VPS35L: variants seen among roughly 807,000 people sequenced by gnomAD.
The protein encoded by VPS35L is VPS35 endosomal protein sorting factor like, also known as VPS35 endosomal protein-sorting factor-like.
VPS35L carries 83 observed loss-of-function variants against 133.0 expected under a neutral mutation model. The ratio of observed to expected loss-of-function variants is 0.62; its 90% confidence interval spans 0.52 to 0.75. The LOEUF is 0.75. Among genes scored for constraint, VPS35L ranks in the 30% least tolerant of loss-of-function variants. The probability of loss-of-function intolerance (pLI) is 0.00; values close to 1 mark genes in which losing one functional copy is unlikely to be tolerated. For synonymous variants in VPS35L, 423 were observed against 449.9 expected (o/e 0.94, Z 0.76); for missense variants, 1,083 against 1,206.8 (o/e 0.90, Z 1.52).
chr16:19,673,540 G>T (rs1338677341), intron 27 of VPS35L, among the ~76,000 whole-genome samples: 2 of 151,614 alleles, frequency 1.3e-5, no homozygotes, highest in Non-Finnish European at 2.9e-5. Context: ...TCCTTGAACA[G>T]ATTTGAGTTA....
In VPS35L at chr16:19,597,921, A is replaced by G. The variant is rs1208617640; in HGVS notation, c.725-3743A>G. ...ATGACAGTATAGGGACAGGTGTTTC[A>G]TGGTTGTTGACATCATTGACAAGAG... On this transcript the variant is annotated intron_variant, in intron 8 of 30. Coordinates refer to ENST00000417362, the MANE Select transcript of VPS35L (RefSeq NM_020314.7). Among the ~76,000 whole-genome samples, 4 of 152,200 alleles carry G rather than the reference A, an allele frequency of 2.6e-5. No homozygotes were observed. In the South Asian group the frequency reaches 8.3e-4, roughly 31 times the overall value.
chr16:19,563,194 G>C (rs961865690), intron 1 of VPS35L, among the ~76,000 whole-genome samples: 1 of 151,982 alleles, frequency 6.6e-6, no homozygotes, highest in African/African-American at 2.4e-5. Flanking sequence ...AGAAGGCTGG[G>C]AGTGGTGGCT....
chr16:19,659,103 G>A (rs952318523), intron 26 of VPS35L, among the ~76,000 whole-genome samples: 1 of 152,062 alleles, frequency 6.6e-6, no homozygotes, highest in East Asian at 1.9e-4. Flanking sequence ...CAATTATTAC[G>A]GATTGAGCAT....
intron 1 of VPS35L, among the ~76,000 whole-genome samples, chr16:19,556,337 A>G (rs1222015723): frequency 1.3e-5 from 2 of 150,778 alleles, no homozygotes; most frequent in Non-Finnish European, 2.9e-5. Flanking sequence ...TATCCCCACC[A>G]GGGGGCTAGG....
chr16:19,667,242 G>A (rs114418362), intron 26 of VPS35L, among the ~76,000 whole-genome samples: 9,601 of 151,988 alleles, frequency 0.063, 869 homozygotes, highest in African/African-American at 0.2. Context: ...GATTACAGGC[G>A]TGAGCTACCG....
intron 19 of VPS35L, among the ~76,000 whole-genome samples, chr16:19,635,769 T>C (rs995945757): frequency 6.6e-6 from 1 of 152,232 alleles, no homozygotes; most frequent in African/African-American, 2.4e-5. Flanking sequence ...ATGTTTTGCA[T>C]AGAGACAACC....
chr16:19,665,969 AT>A (rs57671215), intron 26 of VPS35L, among the ~76,000 whole-genome samples: 50,489 of 149,086 alleles, frequency 0.34, 8,605 homozygotes, highest in African/African-American at 0.34. Flanking sequence ...TGCCATTTGT[AT>A]TTTTTTTTTT....
At chr16:19,562,196 G>C (rs1177753233) in intron 1 of VPS35L, among the ~76,000 whole-genome samples, 1 of 152,162 alleles carries the variant, frequency 6.6e-6, no homozygotes, top group Admixed American at 6.6e-5. Flanking sequence ...TGCAATAGGG[G>C]ACAGAGATTG....
chr16:19,571,680 G>T (rs1326239518), intron 3 of VPS35L, among the ~76,000 whole-genome samples: 1 of 152,050 alleles, frequency 6.6e-6, no homozygotes, highest in East Asian at 1.9e-4. Context: ...TAGTAGCTGG[G>T]ATTACAGGCA....
Position 19,677,003 on chromosome 16 carries a change from G to C in VPS35L, c.2362-5222G>C, listed in dbSNP as rs187283431. Among the ~76,000 whole-genome samples, 24 of 152,134 alleles carry C rather than the reference G, an allele frequency of 1.6e-4. No homozygotes were observed. The East Asian group carries it at 4.6e-3, about 29-fold the overall frequency. On this transcript the variant is annotated intron_variant, in intron 27 of 30. Transcript: ENST00000417362. ...GAGGCGGAAGGATTGCTTGAGGCCA[G>C]GAGTTCGAGACCAGCCTGGGCAACA...
intron 1 of VPS35L, among the ~76,000 whole-genome samples, chr16:19,561,540 G>A (rs1341893310): frequency 6.6e-6 from 1 of 152,116 alleles, no homozygotes; most frequent in Non-Finnish European, 1.5e-5. Flanking sequence ...AGGATATTGG[G>A]TAAAGCTGAC....
chr16:19,592,023 A>G (rs946874252), intron 8 of VPS35L, 149 bp downstream of exon 8: 8 of 580,438 alleles, frequency 1.4e-5, no homozygotes, highest in African/African-American at 1.2e-4. Flanking sequence ...CCCCACGCCC[A>G]TTAATAAGGG....
rs1974089013 is a variant in VPS35L at position 19,650,464 on chromosome 16, GTTC to G, written c.2106+8_2106+10del. 1 of 1,611,472 alleles carries G rather than the reference GTTC, an allele frequency of 6.2e-7. No homozygotes were observed. Among genetic ancestry groups the G allele is most frequent in the Non-Finnish European group, 8.5e-7 (1 of 1,177,710 alleles). On this transcript the variant is annotated splice_donor_region_variant and intron_variant, in intron 25 of 30. Transcript: ENST00000417362. ...AAGACAGCTGCATTTGTCCGGGTAT[GTTC>G]TTAAGATAAGGACTGTTGGACCTCG...
chr16:19,653,549 G>C (rs1014958368), intron 26 of VPS35L, among the ~76,000 whole-genome samples: 1 of 152,192 alleles, frequency 6.6e-6, no homozygotes, highest in Non-Finnish European at 1.5e-5. Context: ...CCCCTGATCT[G>C]TCTGGCTCAA....
intron 8 of VPS35L, among the ~76,000 whole-genome samples, chr16:19,598,090 A>G (rs1052238353): frequency 1.3e-5 from 2 of 152,160 alleles, no homozygotes; most frequent in Non-Finnish European, 2.9e-5. Flanking sequence ...TTCTGGCTTC[A>G]GTGCCTGCGT....
At chr16:19,630,779 T>G (rs1318648748) in intron 18 of VPS35L, among the ~76,000 whole-genome samples, 1 of 151,716 alleles carries the variant, frequency 6.6e-6, no homozygotes, top group Admixed American at 6.6e-5. Context: ...ATGAAGGAGA[T>G]TAATGCCCTT....
chr16:19,676,469 C>T (rs1597424371), intron 27 of VPS35L, among the ~76,000 whole-genome samples: 2 of 152,280 alleles, frequency 1.3e-5, no homozygotes, highest in Admixed American at 6.5e-5. Context: ...GAATAATCTT[C>T]CCTATATAAT....
intron 29 of VPS35L, among the ~76,000 whole-genome samples, chr16:19,694,992 C>T (rs902265265): frequency 4.1e-5 from 6 of 147,756 alleles, no homozygotes; most frequent in African/African-American, 1.3e-4. Flanking sequence ...GGTGACAGAA[C>T]GAGACTCTGT....
chr16:19,590,896 AG>A (rs1972022918), intron 7 of VPS35L, among the ~76,000 whole-genome samples: 2 of 152,152 alleles, frequency 1.3e-5, no homozygotes, highest in Non-Finnish European at 2.9e-5. Context: ...TCATTGCTGC[AG>A]TAAGCTATGA....
Sources: gnomAD v4.1 joint callset for allele counts (sites outside exome capture counted in the v4.1 genomes callset) on GRCh38, gnomAD v4.1.1 for gene constraint, MANE v1.5 for transcripts, NCBI Gene and HGNC (gene_info 2026-07-23, HGNC 2026-07-21) for gene names.